ZNF780A: variants seen among roughly 807,000 people sequenced by gnomAD.
The protein encoded by ZNF780A is zinc finger protein 780A.
Under a neutral mutation model 56.7 loss-of-function variants are expected in ZNF780A, and 40 were observed. The observed-to-expected ratio is 0.71, with a 90% CI of 0.55 to 0.92. ZNF780A has a LOEUF of 0.92. Ranked by LOEUF, ZNF780A falls within the 40% of genes least tolerant of loss-of-function variation. ZNF780A has a pLI of 0.00. For synonymous variants in ZNF780A, 231 were observed against 248.3 expected (o/e 0.93, Z 0.66); for missense variants, 672 against 783.3 (o/e 0.86, Z 1.70).
rs1472255601 is a variant in ZNF780A at position 40,084,729 on chromosome 19, A to T, written c.9+16T>A. On this transcript the variant is annotated intron_variant, in intron 3 of 5. Coordinates refer to ENST00000683561, the MANE Select transcript of ZNF780A (RefSeq NM_001142578.2). Reference sequence around the variant, plus strand: ...AGTCACCATATTTCAAGGAAAAGAGAGAAATACAAACTTACATGGACCATG... The same window carrying T: ...AGTCACCATATTTCAAGGAAAAGAGTGAAATACAAACTTACATGGACCATG... 1 of 1,550,856 alleles carries T rather than the reference A, an allele frequency of 6.4e-7. No individual in the cohort carries two copies. The highest frequency in any genetic ancestry group is 1.2e-5 in the South Asian group (1 of 84,000).
chr19:40,089,497 G>A (rs184253737), intron 2 of ZNF780A: 281 of 361,876 alleles, frequency 7.8e-4, no homozygotes, highest in African/African-American at 5.2e-3. Context: ...TATATGCCTA[G>A]CACTGCTCTA....
At position 40,073,444 on chromosome 19, in the gene ZNF780A, G is replaced by T; in HGVS notation, c.*1072C>A. 1.2e-6 allele frequency: 1 copy of T among 834,480 alleles called. No homozygotes were observed. Among genetic ancestry groups the T allele is most frequent in the Non-Finnish European group, 1.4e-6 (1 of 693,116 alleles). 51.7% of individuals were successfully genotyped at this position (834,480 alleles called of 1,614,324 possible). ...CACCTGACGTTGGGAAAATGGACCT[G>T]ATCGTCTTGCTCACCACAGGGTTGC... On this transcript the variant is annotated 3_prime_UTR_variant, in exon 6 of 6. Transcript: ENST00000683561.
Position 40,075,394 on chromosome 19 carries a change from G to T in ZNF780A, c.1048C>A (p.Arg350=). ...TCACCAGTATGAATCTTCTGATGTC[G>T]AACAAGCTTTGTCAGAAGAGTAAAC... ...KAFTLLTKLV[R]HQKIHTGEKP... Residue 350 remains arginine, a synonymous_variant, in exon 6 of 6, where the codon CGA becomes AGA. Transcript: ENST00000683561. 1 of 1,614,058 alleles carries T rather than the reference G, an allele frequency of 6.2e-7. No individual in the cohort carries two copies.
chr19:40,075,567 A>G lies in ZNF780A; in HGVS notation c.875T>C (p.Leu292Pro). The G allele has an allele frequency of 1.2e-6, 2 of 1,613,602 alleles. No individual in the cohort carries two copies. Among genetic ancestry groups the G allele is most frequent in the Non-Finnish European group, 8.5e-7 (1 of 1,179,890 alleles). ...GGAATGAATTTTCTGATGCTGAATAAGGTGTGCACCACGATTAAAGCCTTT... is the reference window on the plus strand; with the variant it reads ...GGAATGAATTTTCTGATGCTGAATAGGGTGTGCACCACGATTAAAGCCTTT... ...CGKGFNRGAH[L>P]IQHQKIHSNE... Residue 292 changes from leucine to proline, a missense_variant, in exon 6 of 6, where the codon CTT becomes CCT. Coordinates refer to ENST00000683561, the MANE Select transcript of ZNF780A (RefSeq NM_001142578.2).
In ZNF780A at chr19:40,075,600, T is replaced by G. The variant is rs747820727; in HGVS notation, c.842A>C (p.Glu281Ala). The G allele has an allele frequency of 1.9e-6, 3 of 1,613,796 alleles. No individual in the cohort carries two copies. Among genetic ancestry groups the G allele is most frequent in the Non-Finnish European group, 2.5e-6 (3 of 1,179,960 alleles). ...HSGVKPYECKECGKGFNRGAH... is the reference protein window; with the variant it reads ...HSGVKPYECKACGKGFNRGAH... Reference sequence around the variant, plus strand: ...ACCACGATTAAAGCCTTTCCCACACTCCTTACATTCATATGGTTTTACACC... The same window carrying G: ...ACCACGATTAAAGCCTTTCCCACACGCCTTACATTCATATGGTTTTACACC... Residue 281 changes from glutamate (E) to alanine (A), a missense_variant, in exon 6 of 6, where the codon GAG (glutamate) becomes GCG (alanine). Transcript: ENST00000683561.
At chr19:40,089,432 G>A (rs1975010089) in intron 2 of ZNF780A, 1 of 666,958 alleles carries the variant, frequency 1.5e-6, no homozygotes, top group Non-Finnish European at 2.2e-6. Context: ...GAGTCAAGGG[G>A]AATGACTTAA....
chr19:40,069,402 A>G (rs992922183), downstream of ZNF780A: 6 of 152,200 alleles, frequency 3.9e-5, no homozygotes, highest in African/African-American at 1.4e-4. Flanking sequence ...CTCAATCCAG[A>G]GAGGGCATTA....
At chr19:40,082,285 C>T (rs1228817736) in intron 4 of ZNF780A, among the ~76,000 whole-genome samples, 2 of 152,036 alleles carry the variant, frequency 1.3e-5, no homozygotes, top group African/African-American at 4.8e-5. Flanking sequence ...GATACAATAC[C>T]TATTTTATAG....
chr19:40,074,098 C>A lies in ZNF780A; in HGVS notation c.*418G>T. 2.3e-6 allele frequency: 3 copies of A among 1,304,338 alleles called. No individual in the cohort carries two copies. The highest frequency in any genetic ancestry group is 3.3e-5 in the South Asian group (2 of 60,830). The allele number at this position is 1,304,338 out of a possible 1,614,324, so 80.8% of individuals were successfully genotyped here. On this transcript the variant is annotated 3_prime_UTR_variant, in exon 6 of 6. Transcript: ENST00000683561. ...AAAGTTTTCCCACACTCCTTACATT[C>A]ATAGAGTTTCTCACCAGTATGAATA...
At chr19:40,087,195 C>A (rs1393715278) in intron 2 of ZNF780A, among the ~76,000 whole-genome samples, 1 of 152,136 alleles carries the variant, frequency 6.6e-6, no homozygotes, top group Non-Finnish European at 1.5e-5. Context: ...AGATCATTTA[C>A]AATGTCATTC....
intron 3 of ZNF780A, 131 bp downstream of exon 3, chr19:40,084,614 C>T: frequency 1.2e-6 from 1 of 860,758 alleles, no homozygotes. Context: ...TTGTCACCAA[C>T]CTTCACTGTA....
At position 40,075,079 on chromosome 19, in the gene ZNF780A, T is replaced by G; in HGVS notation, c.1363A>C (p.Arg455=). 5 of 1,614,150 alleles carry G rather than the reference T, an allele frequency of 3.1e-6. No homozygotes were observed. In the South Asian group the frequency reaches 4.4e-5, roughly 14 times the overall value. ...TGTTCAATAAGTTGGCAATGATATC[T>G]AAAGGCCATCTCACATTCCCTACAT... ...FVCRECEMAF[R]YHCQLIEHSR... Residue 455 remains arginine (R), a synonymous_variant, in exon 6 of 6, where the codon AGA becomes CGA. Coordinates refer to ENST00000683561, the MANE Select transcript of ZNF780A (RefSeq NM_001142578.2).
chr19:40,073,640 A>G lies in ZNF780A; in HGVS notation c.*876T>C, dbSNP rs1973920065. On this transcript the variant is annotated 3_prime_UTR_variant, in exon 6 of 6. Coordinates refer to ENST00000683561, the MANE Select transcript of ZNF780A (RefSeq NM_001142578.2). Reference sequence around the variant, plus strand: ...AATTATCTTCTCCGAACTCTAAGGTATTTAGTGTGGCTATAAAACGCCCCA... The same window carrying G: ...AATTATCTTCTCCGAACTCTAAGGTGTTTAGTGTGGCTATAAAACGCCCCA... 1.2e-5 allele frequency: 12 copies of G among 986,016 alleles called. No homozygotes were observed. The highest frequency in any genetic ancestry group is 6.1e-5 in the Admixed American group (1 of 16,344). 61.1% of individuals were successfully genotyped at this position (986,016 alleles called of 1,614,324 possible).
At chr19:40,085,570 T>G (rs1486610961) in intron 2 of ZNF780A, among the ~76,000 whole-genome samples, 1 of 152,122 alleles carries the variant, frequency 6.6e-6, no homozygotes. Context: ...GTAGCTCCAA[T>G]TTTCTTCTTT....
chr19:40,074,293 G>T lies in ZNF780A; in HGVS notation c.*223C>A. On this transcript the variant is annotated 3_prime_UTR_variant, in exon 6 of 6. Transcript: ENST00000683561. The stretch of plus-strand genomic sequence containing the variant: ...AAGGGTTTTTTACCAGTGTGAATTT[G>T]GTAATGTTAAATAAGTGGTAATGAT... The T allele has an allele frequency of 6.8e-7, 1 of 1,472,340 alleles. No individual in the cohort carries two copies. The highest frequency in any genetic ancestry group is 1.5e-5 in the South Asian group (1 of 65,988). The allele number at this position is 1,472,340 out of a possible 1,614,324, so 91.2% of individuals were successfully genotyped here. A position where few individuals can be genotyped will look rare whatever the true frequency, so the allele number is the denominator to read the frequency against.
At chr19:40,088,545 G>C (rs749817797) in intron 2 of ZNF780A, among the ~76,000 whole-genome samples, 1 of 152,124 alleles carries the variant, frequency 6.6e-6, no homozygotes, top group Non-Finnish European at 1.5e-5. Context: ...ACACACTGTG[G>C]GTGAGAATGT....
chr19:40,069,170 A>T (rs1973735985), downstream of ZNF780A: 2 of 152,328 alleles, frequency 1.3e-5, no homozygotes, highest in African/African-American at 4.8e-5. Context: ...AAAGAGGTTT[A>T]TTTGGCTCAC....
chr19:40,083,379 T>C (rs1974596048), intron 3 of ZNF780A, 142 bp from the exon 4 acceptor site: 1 of 1,340,104 alleles, frequency 7.5e-7, no homozygotes. Context: ...AGAAGTCTCC[T>C]GCTGGCTGAG....
chr19:40,074,418 C>T lies in ZNF780A; in HGVS notation c.*98G>A. The T allele has an allele frequency of 6.4e-7, 1 of 1,560,892 alleles. No individual in the cohort carries two copies. On this transcript the variant is annotated 3_prime_UTR_variant, in exon 6 of 6. Coordinates refer to ENST00000683561, the MANE Select transcript of ZNF780A (RefSeq NM_001142578.2). ...TTTGAACCACAAATGAAGCCTTTCC[C>T]ACACCCCTTACATTCACATGGTTTT...
Sources: allele counts gnomAD v4.1 joint callset (sites outside exome capture counted in the v4.1 genomes callset), GRCh38; gene constraint gnomAD v4.1.1; transcripts MANE v1.5; gene names NCBI Gene and HGNC (gene_info 2026-07-23, HGNC 2026-07-21).